DDX10: variants seen among roughly 807,000 people sequenced by gnomAD.
DDX10 encodes the protein probable ATP-dependent RNA helicase DDX10.
In DDX10, 74 loss-of-function variants were observed where a neutral mutation model predicts 104.3. The ratio of observed to expected loss-of-function variants is 0.71; its 90% confidence interval spans 0.59 to 0.86. The LOEUF is 0.86. Among genes scored for constraint, DDX10 ranks in the 40% least tolerant of loss-of-function variants. DDX10 has a pLI of 0.00. For synonymous variants in DDX10, 351 were observed against 353.4 expected, an observed-to-expected ratio of 0.99 and a Z score of 0.08; for missense variants, 952 against 1,040.0, an observed-to-expected ratio of 0.92 and a Z score of 1.16.
intron 16 of DDX10, among the ~76,000 whole-genome samples, chr11:108,863,794 C>T (rs1013052118): frequency 4.6e-5 from 7 of 151,582 alleles, no homozygotes; most frequent in African/African-American, 1.7e-4. Context: ...AAATATTGTC[C>T]TCTCTAAGCA....
intron 9 of DDX10, among the ~76,000 whole-genome samples, chr11:108,694,549 C>G (rs959417815): frequency 1.3e-5 from 2 of 152,170 alleles, no homozygotes; most frequent in Non-Finnish European, 2.9e-5. Context: ...CCAAAAGTAT[C>G]CTATGTTTGC....
intron 13 of DDX10, among the ~76,000 whole-genome samples, chr11:108,727,154 A>G (rs559896808): frequency 6.6e-6 from 1 of 152,052 alleles, no homozygotes; most frequent in East Asian, 1.9e-4. Context: ...CGATGACTTG[A>G]CTGGGAATAT....
At chr11:108,855,969 C>G (rs958110828) in intron 16 of DDX10, among the ~76,000 whole-genome samples, 69 of 152,202 alleles carry the variant, frequency 4.5e-4, no homozygotes, top group African/African-American at 1.5e-3. Context: ...TACATTTTCA[C>G]TTGTTTTTAT....
intron 10 of DDX10, among the ~76,000 whole-genome samples, chr11:108,711,636 G>C (rs963448380): frequency 6.6e-6 from 1 of 152,134 alleles, no homozygotes; most frequent in African/African-American, 2.4e-5. Context: ...CCTGGCCTCT[G>C]TTATTTCTAG....
At chr11:108,878,388 T>C (rs1446994931) in intron 16 of DDX10, among the ~76,000 whole-genome samples, 1 of 152,236 alleles carries the variant, frequency 6.6e-6, no homozygotes, top group Non-Finnish European at 1.5e-5. Flanking sequence ...ACACCATCAC[T>C]ACAGCAACAG....
At position 108,940,363 on chromosome 11, in the gene DDX10, C is replaced by G. The variant is rs201962995; in HGVS notation, c.2568C>G (p.Thr856=). The change falls in exon 18 of 18, where the codon ACC becomes ACG. Residue 856 remains threonine, a synonymous_variant. Coordinates refer to ENST00000322536, the MANE Select transcript of DDX10 (RefSeq NM_004398.4). ...ARWDTLEPLD[T]GLSLAEDEEL... ...GGGACACTTTAGAGCCTTTGGATAC[C>G]GGCCTGTCTTTAGCAGAGGATGAAG... 1 of 1,613,974 alleles carries G rather than the reference C, an allele frequency of 6.2e-7. No homozygotes were observed. The highest frequency in any genetic ancestry group is 1.7e-5 in the Admixed American group (1 of 60,012).
At chr11:108,766,115 A>G (rs1458126259) in intron 13 of DDX10, among the ~76,000 whole-genome samples, 1 of 151,954 alleles carries the variant, frequency 6.6e-6, no homozygotes, top group Non-Finnish European at 1.5e-5. Flanking sequence ...TTCTGATTAT[A>G]TTTTCCTTTG....
chr11:108,720,224 G>A (rs1012815894), intron 12 of DDX10, among the ~76,000 whole-genome samples: 8 of 152,206 alleles, frequency 5.3e-5, no homozygotes, highest in African/African-American at 1.9e-4. Context: ...TAATCAGGGA[G>A]CAGTTTATTA....
chr11:108,765,881 T>C (rs1056598336), intron 13 of DDX10, among the ~76,000 whole-genome samples: 10 of 152,172 alleles, frequency 6.6e-5, no homozygotes, highest in Admixed American at 1.3e-4. Context: ...AACCTTAAAT[T>C]GTTGTTGAAT....
intron 16 of DDX10, among the ~76,000 whole-genome samples, chr11:108,870,724 A>C (rs549061457): frequency 2.6e-5 from 4 of 152,258 alleles, no homozygotes; most frequent in African/African-American, 7.2e-5. Flanking sequence ...ACTTCTCTCT[A>C]CCAGGCAATA....
intron 13 of DDX10, among the ~76,000 whole-genome samples, chr11:108,794,951 C>T (rs1471585371): frequency 6.6e-6 from 1 of 152,062 alleles, no homozygotes; most frequent in Admixed American, 6.5e-5. Context: ...CCTTAGCCTC[C>T]CCAATAGCTG....
intron 13 of DDX10, among the ~76,000 whole-genome samples, chr11:108,772,419 G>A (rs565988730): frequency 1.3e-5 from 2 of 152,264 alleles, no homozygotes; most frequent in East Asian, 3.9e-4. Flanking sequence ...AAGAGGAGGA[G>A]GCAGTGTGAT....
chr11:108,715,755 G>C (rs905279676), intron 10 of DDX10, 124 bp from the exon 11 acceptor site: 2 of 609,418 alleles, frequency 3.3e-6, no homozygotes, highest in African/African-American at 3.7e-5. Context: ...CGTCTAATCT[G>C]ATTCATAGAT....
chr11:108,669,971 C>T (rs1418329806), intron 1 of DDX10, among the ~76,000 whole-genome samples: 7 of 152,178 alleles, frequency 4.6e-5, no homozygotes, highest in African/African-American at 1.2e-4. Flanking sequence ...TTTAGCCAAG[C>T]GAAACCTATT....
intron 13 of DDX10, among the ~76,000 whole-genome samples, chr11:108,770,551 C>A (rs1384728394): frequency 7.6e-6 from 1 of 132,382 alleles, no homozygotes; most frequent in Non-Finnish European, 1.6e-5. Context: ...CATCCTTCTA[C>A]TCTCTCTGTC....
At chr11:108,846,532 T>G (rs1862720355) in intron 15 of DDX10, among the ~76,000 whole-genome samples, 1 of 152,212 alleles carries the variant, frequency 6.6e-6, no homozygotes, top group African/African-American at 2.4e-5. Context: ...TAAGTGAGAT[T>G]GTGTATTATT....
intron 13 of DDX10, among the ~76,000 whole-genome samples, chr11:108,750,378 T>C (rs1440463740): frequency 6.6e-6 from 1 of 152,190 alleles, no homozygotes; most frequent in African/African-American, 2.4e-5. Context: ...AATGTCATAA[T>C]AGGAAGATAA....
intron 13 of DDX10, among the ~76,000 whole-genome samples, chr11:108,728,182 CA>C (rs2094307621): frequency 6.6e-6 from 1 of 152,096 alleles, no homozygotes; most frequent in South Asian, 2.1e-4. Flanking sequence ...ACAACAACAA[CA>C]AGCCCTTTTC....
At position 108,852,211 on chromosome 11, in the gene DDX10, T is replaced by C. The variant is rs778031746; in HGVS notation, c.2304+2T>C. The C allele has an allele frequency of 6.2e-7, 1 of 1,608,468 alleles. No homozygotes were observed. ...GAAGCCAACAAGAGACAAGCAAAGG[T>C]AAGGGTTTATATACATTTATTTTTC... On this transcript the variant is annotated splice_donor_variant, in intron 16 of 17. Coordinates refer to ENST00000322536, the MANE Select transcript of DDX10 (RefSeq NM_004398.4). LOFTEE classifies it high-confidence loss of function.
Sources: gnomAD v4.1 joint callset for allele counts (sites outside exome capture counted in the v4.1 genomes callset) on GRCh38, gnomAD v4.1.1 for gene constraint, MANE v1.5 for transcripts, NCBI Gene and HGNC (gene_info 2026-07-23, HGNC 2026-07-21) for gene names.